Variants in KIRREL3 observed in about 807,000 individuals in gnomAD.
KIRREL3 encodes kirre like nephrin family adhesion molecule 3, also known as kin of IRRE-like protein 3.
In KIRREL3, 36 loss-of-function variants were observed where a neutral mutation model predicts 89.7. The ratio of observed to expected loss-of-function variants is 0.40; its 90% CI spans 0.31 to 0.53. The LOEUF is 0.53. KIRREL3 is among the 20% of genes least tolerant of loss of function. The pLI, the probability that KIRREL3 is intolerant of heterozygous loss-of-function variation, is 0.49. For missense variants in KIRREL3, 864 were observed against 1,056.6 expected (o/e 0.82, Z 2.53); for synonymous variants, 445 against 441.4 (o/e 1.01, Z -0.10).
chr11:126,434,159 T>A (rs1441662073), intron 13 of KIRREL3, among the ~76,000 whole-genome samples: 2 of 152,180 alleles, frequency 1.3e-5, no homozygotes, highest in East Asian at 3.9e-4. Flanking sequence ...TGCAGGCCCC[T>A]CCTCTCTGCA....
chr11:126,457,298 C>CGT lies in KIRREL3; in HGVS notation c.743-846_743-845dup, dbSNP rs577692620. The stretch of plus-strand genomic sequence containing the variant: ...GTATGCATATGTGTATGTGTGTATG[C>CGT]GTGTGTATGTCTCTGTGTGTATGCA... On this transcript the variant is annotated intron_variant, in intron 6 of 16. Coordinates refer to ENST00000525144, the MANE Select transcript of KIRREL3 (RefSeq NM_032531.4). Among the ~76,000 whole-genome samples, 128 of 131,962 alleles carry CGT rather than the reference C, an allele frequency of 9.7e-4. 3 individuals carry two copies. The highest frequency in any genetic ancestry group is 3.5e-3 in the African/African-American group (122 of 35,054). 86.6% of individuals were successfully genotyped at this position (131,962 alleles called of 152,430 possible). A position where few individuals can be genotyped will look rare whatever the true frequency, so the allele number is the denominator to read the frequency against.
At position 126,999,256 on chromosome 11, in the gene KIRREL3, A is replaced by G. The variant is rs890481801; in HGVS notation, c.55+1199T>C. 1.3e-5 allele frequency among the ~76,000 whole-genome samples: 2 copies of G among 152,156 alleles called. No homozygotes were observed. The highest frequency in any genetic ancestry group is 2.9e-5 in the Non-Finnish European group (2 of 68,032). ...CCTTCGGTTTCATCAGGAGGACCAG[A>G]AGCAAAGTTTGAACTGCACAGATAA... On this transcript the variant is annotated intron_variant, in intron 1 of 16. Coordinates refer to ENST00000525144, the MANE Select transcript of KIRREL3 (RefSeq NM_032531.4). The surrounding 1 kb of genome is among the most constrained non-coding windows in gnomAD (Gnocchi z 5.7).
At chr11:126,857,790 G>GGGCA (rs1429979337) in intron 1 of KIRREL3, among the ~76,000 whole-genome samples, 2 of 123,514 alleles carry the variant, frequency 1.6e-5, no homozygotes, top group Non-Finnish European at 3.5e-5. Flanking sequence ...TGTGGGGGTG[G>GGGCA]GGTGGGTGAG....
chr11:126,915,086 C>T (rs1013783179), intron 1 of KIRREL3, among the ~76,000 whole-genome samples: 3 of 152,136 alleles, frequency 2.0e-5, no homozygotes, highest in Non-Finnish European at 2.9e-5. Context: ...GACATGATTA[C>T]ACCATATTGG....
intron 1 of KIRREL3, among the ~76,000 whole-genome samples, chr11:126,765,942 C>A (rs1949810860): frequency 6.6e-6 from 1 of 152,152 alleles, no homozygotes; most frequent in African/African-American, 2.4e-5. Flanking sequence ...AAGTGCTCTA[C>A]AATTTCCACT....
intron 2 of KIRREL3, among the ~76,000 whole-genome samples, chr11:126,559,889 G>A (rs1003031232): frequency 6.6e-6 from 1 of 151,986 alleles, no homozygotes. Context: ...CACCATGTTG[G>A]CCAGGCTGGT....
At chr11:126,591,140 C>T (rs1033782316) in intron 1 of KIRREL3, among the ~76,000 whole-genome samples, 3 of 152,078 alleles carry the variant, frequency 2.0e-5, no homozygotes, top group African/African-American at 7.2e-5. Flanking sequence ...GCAGGAGGAT[C>T]GCTTGAGCCC....
chr11:126,930,208 G>GTTGT (rs1947889992), intron 1 of KIRREL3, among the ~76,000 whole-genome samples: 1 of 152,046 alleles, frequency 6.6e-6, no homozygotes, highest in East Asian at 1.9e-4. Flanking sequence ...GTAACTCAGG[G>GTTGT]TTGTTGTATG....
intron 4 of KIRREL3, among the ~76,000 whole-genome samples, chr11:126,511,120 G>T (rs774145228): frequency 3.2e-4 from 48 of 151,832 alleles, no homozygotes; most frequent in Non-Finnish European, 5.9e-4. Flanking sequence ...CATCTCTAGA[G>T]TCTGCAGGGA....
At position 126,610,558 on chromosome 11, in the gene KIRREL3, G is replaced by C. The variant is rs1057111963; in HGVS notation, c.56-47646C>G. The C allele has an allele frequency of 1.3e-5, 2 of 152,264 alleles. No homozygotes were observed. Among genetic ancestry groups the C allele is most frequent in the African/African-American group, 4.8e-5 (2 of 41,456 alleles). 9.4% of individuals were successfully genotyped at this position (152,264 alleles called of 1,614,324 possible). On this transcript the variant is annotated intron_variant, in intron 1 of 16. Transcript: ENST00000525144. The surrounding 1 kb of genome is among the most constrained non-coding windows in gnomAD (Gnocchi z 4.6). Reference sequence around the variant, plus strand: ...GAGAGAATGTTTGCATTGGAGGTCTGTGGGCGTAGAGCACTCAACAAATGC... The same window carrying C: ...GAGAGAATGTTTGCATTGGAGGTCTCTGGGCGTAGAGCACTCAACAAATGC...
At chr11:126,681,248 G>C (rs1261586140) in intron 1 of KIRREL3, among the ~76,000 whole-genome samples, 2 of 152,188 alleles carry the variant, frequency 1.3e-5, no homozygotes, top group Non-Finnish European at 1.5e-5. Context: ...GAAGCCATGT[G>C]TTTTTGTGTC....
chr11:126,774,092 A>C (rs1592108392), intron 1 of KIRREL3, among the ~76,000 whole-genome samples: 1 of 151,068 alleles, frequency 6.6e-6, no homozygotes. Flanking sequence ...TGTGGCTGCC[A>C]CTCTGTTGGA....
In KIRREL3 at chr11:126,908,449, C is replaced by G. The variant is rs912543876; in HGVS notation, c.55+92006G>C. On this transcript the variant is annotated intron_variant, in intron 1 of 16. Coordinates refer to ENST00000525144, the MANE Select transcript of KIRREL3 (RefSeq NM_032531.4). This position sits in a 1 kb window ranked among gnomAD's most constrained non-coding sequence, Gnocchi z 4.2. The stretch of plus-strand genomic sequence containing the variant: ...GGCAAGTCACTTTAACCTCTCTGTG[C>G]TCTGGTTTTCTCATATGCAATGTGG... Among the ~76,000 whole-genome samples the G allele has an allele frequency of 6.6e-6, 1 of 152,206 alleles. No individual in the cohort carries two copies.
At chr11:126,781,303 T>C (rs560094835) in intron 1 of KIRREL3, among the ~76,000 whole-genome samples, 16 of 152,320 alleles carry the variant, frequency 1.1e-4, no homozygotes, top group African/African-American at 3.8e-4. Context: ...TTAACATTCC[T>C]TTTCAGGTTA....
chr11:126,801,836 G>C (rs1249475888), intron 1 of KIRREL3, among the ~76,000 whole-genome samples: 2 of 152,198 alleles, frequency 1.3e-5, no homozygotes. Flanking sequence ...CTTGGAGGAT[G>C]AGGCAGGAGG....
At position 126,766,496 on chromosome 11, in the gene KIRREL3, A is replaced by T. The variant is rs574895922; in HGVS notation, c.56-203584T>A. ...TTTTATTCTATTAAAAAGGTAAGTG[A>T]GCACACAACCGCGTGTTGCTAACTC... On this transcript the variant is annotated intron_variant, in intron 1 of 16. Transcript: ENST00000525144. The surrounding 1 kb of genome is among the most constrained non-coding windows in gnomAD (Gnocchi z 4.2). 2.6e-5 allele frequency among the ~76,000 whole-genome samples: 4 copies of T among 152,220 alleles called. No homozygotes were observed. The highest frequency in any genetic ancestry group is 4.4e-5 in the Non-Finnish European group (3 of 68,024).
chr11:126,812,673 C>G lies in KIRREL3; in HGVS notation c.55+187782G>C, dbSNP rs1029408426. Among the ~76,000 whole-genome samples, 2 of 152,194 alleles carry G rather than the reference C, an allele frequency of 1.3e-5. No homozygotes were observed. The highest frequency in any genetic ancestry group is 4.8e-5 in the African/African-American group (2 of 41,442). Reference sequence around the variant, plus strand: ...GTCCGCCCTGACTTTGGGCCTTTGTCCATACAGCACCACACTGGGCGTCAG... The same window carrying G: ...GTCCGCCCTGACTTTGGGCCTTTGTGCATACAGCACCACACTGGGCGTCAG... On this transcript the variant is annotated intron_variant, in intron 1 of 16. Transcript: ENST00000525144. The surrounding 1 kb of genome is among the most constrained non-coding windows in gnomAD (Gnocchi z 5.2).
intron 1 of KIRREL3, among the ~76,000 whole-genome samples, chr11:126,690,061 C>T (rs1453854875): frequency 9.2e-5 from 14 of 152,200 alleles, no homozygotes; most frequent in Admixed American, 7.9e-4. Context: ...AAGAAAGCCA[C>T]GACCCCCATT....
At position 126,621,175 on chromosome 11, in the gene KIRREL3, C is replaced by T. The variant is rs11220560; in HGVS notation, c.56-58263G>A. Among the ~76,000 whole-genome samples, 628 of 152,298 alleles carry T rather than the reference C, an allele frequency of 4.1e-3. 4 individuals carry two copies. Among genetic ancestry groups the T allele is most frequent in the Non-Finnish European group, 7.0e-3 (479 of 68,028 alleles). ...CGTGTTAATTACTGCTAAGATGTAGCTACTTAAATCAAGAGTTTAATCTTC... is the reference window on the plus strand; with the variant it reads ...CGTGTTAATTACTGCTAAGATGTAGTTACTTAAATCAAGAGTTTAATCTTC... On this transcript the variant is annotated intron_variant, in intron 1 of 16. Coordinates refer to ENST00000525144, the MANE Select transcript of KIRREL3 (RefSeq NM_032531.4).
Sources: gnomAD v4.1 joint callset for allele counts (sites outside exome capture counted in the v4.1 genomes callset) on GRCh38, gnomAD v4.1.1 for gene constraint, Gnocchi (gnomAD v3.1) non-coding constraint, MANE v1.5 for transcripts, NCBI Gene and HGNC (gene_info 2026-07-23, HGNC 2026-07-21) for gene names.